PCDHA12: variants seen among roughly 807,000 people sequenced by gnomAD.
PCDHA12 encodes protocadherin alpha-12.
A neutral mutation model predicts 60.0 loss-of-function variants in PCDHA12; 44 were observed. That is an observed-to-expected ratio of 0.73 (90% confidence interval 0.58 to 0.94). PCDHA12 has a LOEUF of 0.94. Among genes scored for constraint, PCDHA12 ranks in the 40% least tolerant of loss-of-function variants. The pLI is 0.00. For synonymous variants in PCDHA12, 569 were observed against 553.0 expected (o/e 1.03, Z -0.40); for missense variants, 1,276 against 1,239.7 (o/e 1.03, Z -0.44).
rs572273107 is a variant in PCDHA12, at chr5:140,941,410, G to A, written c.2368-37539G>A. 1.3e-4 allele frequency among the ~76,000 whole-genome samples: 19 copies of A among 147,656 alleles called. 1 individual carries two copies. In the South Asian group the frequency reaches 3.3e-3, roughly 26 times the overall value. ...TGGCTCACTGCAACCTCCGCCTCCC[G>A]GGTTCAAGCAATTCTCTGCCTCAGC... On this transcript the variant is annotated intron_variant, in intron 1 of 3. Transcript: ENST00000398631.
At chr5:140,943,321 G>C (rs1012061757) in intron 1 of PCDHA12, among the ~76,000 whole-genome samples, 3 of 150,454 alleles carry the variant, frequency 2.0e-5, no homozygotes, top group Non-Finnish European at 4.4e-5. Flanking sequence ...TAGCAATATT[G>C]TGTAGTATCC....
intron 3 of PCDHA12, among the ~76,000 whole-genome samples, chr5:141,006,502 C>T (rs987435396): frequency 1.8e-4 from 28 of 152,118 alleles, no homozygotes; most frequent in African/African-American, 2.9e-4. Context: ...TGTGAGCCAC[C>T]GCGCCTGGCT....
chr5:140,953,858 T>C (rs568873240), intron 1 of PCDHA12, among the ~76,000 whole-genome samples: 10 of 152,328 alleles, frequency 6.6e-5, no homozygotes, highest in African/African-American at 1.9e-4. Flanking sequence ...TGTGCCATGG[T>C]GGTTTGCTGC....
chr5:140,916,692 C>T (rs968252842), intron 1 of PCDHA12, among the ~76,000 whole-genome samples: 47 of 152,270 alleles, frequency 3.1e-4, no homozygotes, highest in African/African-American at 1.0e-3. Flanking sequence ...TCTTTTCTCT[C>T]CTCTCCTTAA....
chr5:140,994,275 T>C (rs1296337913), intron 3 of PCDHA12, among the ~76,000 whole-genome samples: 1 of 152,156 alleles, frequency 6.6e-6, no homozygotes, highest in African/African-American at 2.4e-5. Flanking sequence ...AGGCTGCCTT[T>C]CTTGAGACAG....
intron 3 of PCDHA12, among the ~76,000 whole-genome samples, chr5:140,991,295 A>G (rs1215731555): frequency 6.6e-6 from 1 of 152,202 alleles, no homozygotes; most frequent in African/African-American, 2.4e-5. Context: ...TTAACACATT[A>G]CTATTATCTT....
intron 1 of PCDHA12, among the ~76,000 whole-genome samples, chr5:140,947,404 T>G (rs1305199507): frequency 6.6e-6 from 1 of 151,736 alleles, no homozygotes; most frequent in Non-Finnish European, 1.5e-5. Flanking sequence ...GTAGACTGTC[T>G]TGATATTGTA....
chr5:140,885,485 T>C (rs2060611651), intron 1 of PCDHA12, among the ~76,000 whole-genome samples: 1 of 152,188 alleles, frequency 6.6e-6, no homozygotes, highest in Non-Finnish European at 1.5e-5. Context: ...GTGTCAAGTG[T>C]TCTGTTATCT....
chr5:140,932,222 A>T (rs2088129167), intron 1 of PCDHA12, among the ~76,000 whole-genome samples: 1 of 151,870 alleles, frequency 6.6e-6, no homozygotes, highest in African/African-American at 2.4e-5. Flanking sequence ...GGCAATTTAA[A>T]TTTTTTAGAA....
chr5:140,906,316 A>G (rs191261196), intron 1 of PCDHA12, among the ~76,000 whole-genome samples: 377 of 152,344 alleles, frequency 2.5e-3, no homozygotes, highest in African/African-American at 8.6e-3. Flanking sequence ...TATTCCCAAC[A>G]TGATACAACT....
intron 1 of PCDHA12, among the ~76,000 whole-genome samples, chr5:140,901,849 A>AT (rs1167488433): frequency 2.0e-5 from 3 of 151,932 alleles, no homozygotes; most frequent in Non-Finnish European, 4.4e-5. Context: ...ATATCTTTCC[A>AT]TTTTTTTGTG....
At chr5:140,972,829 A>T (rs1554234573) in intron 1 of PCDHA12, among the ~76,000 whole-genome samples, 2 of 151,928 alleles carry the variant, frequency 1.3e-5, no homozygotes, top group African/African-American at 4.8e-5. Flanking sequence ...ACGCCTGGCT[A>T]ATTTTTGTAT....
intron 1 of PCDHA12, among the ~76,000 whole-genome samples, chr5:140,908,736 A>G (rs2074127705): frequency 6.6e-6 from 1 of 152,180 alleles, no homozygotes; most frequent in African/African-American, 2.4e-5. Flanking sequence ...GGCTCGAGAA[A>G]CAGAGCAACT....
chr5:140,985,170 C>T (rs1465909141), intron 3 of PCDHA12, among the ~76,000 whole-genome samples: 12 of 152,168 alleles, frequency 7.9e-5, no homozygotes, highest in African/African-American at 2.9e-4. Flanking sequence ...ATCTCCTGAC[C>T]TCGTAATCCG....
At chr5:140,924,049 T>C (rs1554201723) in intron 1 of PCDHA12, among the ~76,000 whole-genome samples, 1 of 152,254 alleles carries the variant, frequency 6.6e-6, no homozygotes, top group East Asian at 1.9e-4. Flanking sequence ...AAAAGTTCGG[T>C]ACATCTTTAC....
intron 1 of PCDHA12, among the ~76,000 whole-genome samples, chr5:140,911,436 C>T (rs369054235): frequency 6.1e-4 from 93 of 152,242 alleles, no homozygotes; most frequent in South Asian, 2.9e-3. Context: ...TCCAATTTCC[C>T]GCAATTTCAG....
chr5:140,923,019 C>T (rs540025993), intron 1 of PCDHA12, among the ~76,000 whole-genome samples: 4 of 152,168 alleles, frequency 2.6e-5, no homozygotes, highest in South Asian at 2.1e-4. Context: ...ACTGCAGTTT[C>T]GGACTCTATT....
At chr5:140,952,449 G>C (rs549255236) in intron 1 of PCDHA12, among the ~76,000 whole-genome samples, 1 of 152,242 alleles carries the variant, frequency 6.6e-6, no homozygotes. Context: ...AATACAGCCA[G>C]GCTCTTTGCT....
At chr5:140,885,592 G>T (rs1428219345) in intron 1 of PCDHA12, among the ~76,000 whole-genome samples, 3 of 152,102 alleles carry the variant, frequency 2.0e-5, no homozygotes, top group Non-Finnish European at 2.9e-5. Flanking sequence ...ATGCATCAAA[G>T]ATATTAATAA....
Sources: gnomAD v4.1 joint callset for allele counts (sites outside exome capture counted in the v4.1 genomes callset) on GRCh38, gnomAD v4.1.1 for gene constraint, MANE v1.5 for transcripts, NCBI Gene and HGNC (gene_info 2026-07-23, HGNC 2026-07-21) for gene names.